SNRPD3: variants seen among roughly 807,000 people sequenced by gnomAD.
SNRPD3 encodes small nuclear ribonucleoprotein Sm D3.
For synonymous variants in SNRPD3, 66 were observed against 58.4 expected (o/e 1.13, Z -0.59); for missense variants, 73 against 167.5 (o/e 0.44, Z 3.11).
intron 2 of SNRPD3, among the ~76,000 whole-genome samples, chr22:24,563,490 A>G (rs964167293): frequency 2.0e-5 from 3 of 152,022 alleles, no homozygotes; most frequent in African/African-American, 7.2e-5. Context: ...GCTGCAGGAT[A>G]GGGCATCAGC....
chr22:24,557,125 G>T (rs2147115664), intron 1 of SNRPD3, among the ~76,000 whole-genome samples: 1 of 152,330 alleles, frequency 6.6e-6, no homozygotes, highest in South Asian at 2.1e-4. Context: ...CTTGGAATAT[G>T]GCCACTGGGA....
chr22:24,571,753 A>T (rs976665513), intron 3 of SNRPD3, among the ~76,000 whole-genome samples, 163 bp from the exon 4 acceptor site: 2 of 151,678 alleles, frequency 1.3e-5, no homozygotes, highest in Non-Finnish European at 2.9e-5. Flanking sequence ...CAAAAAATAA[A>T]AAAAAAAAAA....
At chr22:24,571,895 A>C (rs1219857784) in intron 3 of SNRPD3, 21 bp from the exon 4 acceptor site, 1 of 1,613,944 alleles carries the variant, frequency 6.2e-7, no homozygotes, top group Admixed American at 1.7e-5. Context: ...ACCTGGCCTC[A>C]TATTTTCTCT....
Position 24,572,126 on chromosome 22 carries a change from T to C in SNRPD3, c.*149T>C. 3 of 1,437,284 alleles carry C rather than the reference T, an allele frequency of 2.1e-6. No homozygotes were observed. The South Asian group carries it at 3.7e-5, about 18-fold the overall frequency. 89.0% of individuals were successfully genotyped at this position (1,437,284 alleles called of 1,614,324 possible). ...TTTAAGCTAAATAAATCTGGGGGGT[T>C]TTTTGTTCTGTTTTGTTTTGTTTTC... is the stretch of plus-strand genomic sequence containing the variant. On this transcript the variant is annotated 3_prime_UTR_variant, in exon 4 of 4. Transcript: ENST00000215829.
Position 24,563,202 on chromosome 22 carries a change from ATATATGTGTGTGTGTG to A in SNRPD3, c.127-4780_127-4765del, listed in dbSNP as rs142820497. On this transcript the variant is annotated intron_variant, in intron 2 of 3. Transcript: ENST00000215829. The stretch of plus-strand genomic sequence containing the variant: ...GGGCAACACAGTGAGACCCTGTCTC[ATATATGTGTGTGTGTG>A]TGTGTGTGTGTGTGTGTGTGTGTGT... Among the ~76,000 whole-genome samples, 75 of 138,876 alleles carry A rather than the reference ATATATGTGTGTGTGTG, an allele frequency of 5.4e-4. 1 individual carries two copies. The highest frequency in any genetic ancestry group is 7.2e-4 in the Non-Finnish European group (47 of 65,040). 91.1% of individuals were successfully genotyped at this position (138,876 alleles called of 152,430 possible).
Position 24,574,106 on chromosome 22 carries a change from T to A in SNRPD3, c.*2129T>A, listed in dbSNP as rs2045270101. ...TTTAGTATAATCATTACTGAATTCA[T>A]CATACTTTTACAGTAAACAGTACTT... On this transcript the variant is annotated 3_prime_UTR_variant, in exon 4 of 4. Transcript: ENST00000215829. 6.6e-6 allele frequency among the ~76,000 whole-genome samples: 1 copy of A among 152,222 alleles called. No individual in the cohort carries two copies. The highest frequency in any genetic ancestry group is 1.5e-5 in the Non-Finnish European group (1 of 68,038).
chr22:24,572,537 C>A lies in SNRPD3; in HGVS notation c.*560C>A. The A allele has an allele frequency of 5.4e-6, 1 of 184,690 alleles. No homozygotes were observed. The highest frequency in any genetic ancestry group is 1.1e-5 in the Non-Finnish European group (1 of 88,384). 11.4% of individuals were successfully genotyped at this position (184,690 alleles called of 1,614,324 possible). A position where few individuals can be genotyped will look rare whatever the true frequency, so the allele number is the denominator to read the frequency against. On this transcript the variant is annotated 3_prime_UTR_variant, in exon 4 of 4. Transcript: ENST00000215829. ...CAGCACTTTGGGAGGCCAAGGCGGG[C>A]GGATCACGAGGTCAGGAGTTCGAGA...
At chr22:24,555,664 C>T (rs770429268), upstream of SNRPD3, 42 of 1,550,536 alleles carry the variant, frequency 2.7e-5, no homozygotes, top group Non-Finnish European at 1.7e-5. Context: ...AGTCCTGGCC[C>T]TTGGCCCAAC....
chr22:24,556,036 C>A lies in SNRPD3; in HGVS notation c.-54C>A, dbSNP rs1018267725. The stretch of plus-strand genomic sequence containing the variant: ...CACGCCTTCGCCGTAGCATCTTTCG[C>A]AGCGGACCGAAGAGAAGAAAAGTAG... On this transcript the variant is annotated 5_prime_UTR_variant, in exon 1 of 4. Coordinates refer to ENST00000215829, the MANE Select transcript of SNRPD3 (RefSeq NM_004175.5). 1 of 625,366 alleles carries A rather than the reference C, an allele frequency of 1.6e-6. No individual in the cohort carries two copies. The highest frequency in any genetic ancestry group is 2.8e-6 in the Non-Finnish European group (1 of 359,448). 38.7% of individuals were successfully genotyped at this position (625,366 alleles called of 1,614,324 possible).
Position 24,571,903 on chromosome 22 carries a change from TCTTC to T in SNRPD3, c.320-11_320-8del. ...CACACTGACCTGGCCTCATATTTTC[TCTTC>T]CCTTTCAGTGGCCGCAAGAGGAAGA... is the stretch of plus-strand genomic sequence containing the variant. On this transcript the variant is annotated splice_polypyrimidine_tract_variant and intron_variant, in intron 3 of 3. Coordinates refer to ENST00000215829, the MANE Select transcript of SNRPD3 (RefSeq NM_004175.5). 1 of 1,614,136 alleles carries T rather than the reference TCTTC, an allele frequency of 6.2e-7. No individual in the cohort carries two copies. Among genetic ancestry groups the T allele is most frequent in the Non-Finnish European group, 8.5e-7 (1 of 1,179,974 alleles).
At chr22:24,566,983 T>C (rs1394783922) in intron 2 of SNRPD3, among the ~76,000 whole-genome samples, 2 of 152,210 alleles carry the variant, frequency 1.3e-5, no homozygotes, top group Admixed American at 6.5e-5. Flanking sequence ...CCAGTGTCAT[T>C]ATTCGACTGC....
At chr22:24,566,055 G>A (rs1271411630) in intron 2 of SNRPD3, among the ~76,000 whole-genome samples, 1 of 152,180 alleles carries the variant, frequency 6.6e-6, no homozygotes, top group African/African-American at 2.4e-5. Flanking sequence ...GGCACTAGAG[G>A]TTATGGTATT....
chr22:24,572,664 G>C lies in SNRPD3; in HGVS notation c.*687G>C, dbSNP rs1368125395. On this transcript the variant is annotated 3_prime_UTR_variant, in exon 4 of 4. Transcript: ENST00000215829. ...TAGTCCCAGCTACTCGGGAGGCTGA[G>C]GCAGAAGATTCGCTTGAACCCAGGA... 6.3e-6 allele frequency: 1 copy of C among 158,710 alleles called. No individual in the cohort carries two copies. The highest frequency in any genetic ancestry group is 6.2e-5 in the Admixed American group (1 of 16,250). 9.8% of individuals were successfully genotyped at this position (158,710 alleles called of 1,614,324 possible).
intron 2 of SNRPD3, 150 bp from the exon 3 acceptor site, chr22:24,567,834 A>C: frequency 1.6e-6 from 1 of 618,700 alleles, no homozygotes; most frequent in Non-Finnish European, 2.9e-6. Flanking sequence ...TCCCTGGTGT[A>C]CACAGTTAGT....
intron 2 of SNRPD3, 119 bp downstream of exon 2, chr22:24,557,919 C>T: frequency 1.0e-6 from 1 of 957,146 alleles, no homozygotes. Flanking sequence ...TTCCTAAGTG[C>T]CTAATGCATA....
At chr22:24,570,399 GA>G (rs1239526955) in intron 3 of SNRPD3, among the ~76,000 whole-genome samples, 1 of 152,186 alleles carries the variant, frequency 6.6e-6, no homozygotes, top group Non-Finnish European at 1.5e-5. Context: ...GTAATAGTGT[GA>G]GGGGCCGGGC....
Position 24,574,133 on chromosome 22 carries a change from C to T in SNRPD3, c.*2156C>T, listed in dbSNP as rs899162408. Among the ~76,000 whole-genome samples, 1 of 152,166 alleles carries T rather than the reference C, an allele frequency of 6.6e-6. No individual in the cohort carries two copies. Among genetic ancestry groups the T allele is most frequent in the African/African-American group, 2.4e-5 (1 of 41,432 alleles). Reference sequence around the variant, plus strand: ...ATACTTTTACAGTAAACAGTACTTACTTTGAATAATAACACATTACACTTA... The same window carrying T: ...ATACTTTTACAGTAAACAGTACTTATTTTGAATAATAACACATTACACTTA... On this transcript the variant is annotated 3_prime_UTR_variant, in exon 4 of 4. Transcript: ENST00000215829.
rs888483330 is a variant in SNRPD3, at chr22:24,571,019, A to G, written c.320-897A>G. On this transcript the variant is annotated intron_variant, in intron 3 of 3. Coordinates refer to ENST00000215829, the MANE Select transcript of SNRPD3 (RefSeq NM_004175.5). ...TGTTCAGTAGAGAAGGGGTTTTGCC[A>G]TGTTGGCCAGTCTGGTCTCAAACTT... 1.3e-5 allele frequency among the ~76,000 whole-genome samples: 2 copies of G among 152,012 alleles called. 1 individual carries two copies. The highest frequency in any genetic ancestry group is 6.3e-3 in the Middle Eastern group (2 of 316).
At position 24,556,023 on chromosome 22, in the gene SNRPD3, G is replaced by A; in HGVS notation, c.-67G>A. Reference sequence around the variant, plus strand: ...CATTCGCTTGACTCACGCCTTCGCCGTAGCATCTTTCGCAGCGGACCGAAG... The same window carrying A: ...CATTCGCTTGACTCACGCCTTCGCCATAGCATCTTTCGCAGCGGACCGAAG... On this transcript the variant is annotated 5_prime_UTR_variant, in exon 1 of 4. Coordinates refer to ENST00000215829, the MANE Select transcript of SNRPD3 (RefSeq NM_004175.5). 1 of 630,910 alleles carries A rather than the reference G, an allele frequency of 1.6e-6. No individual in the cohort carries two copies. The highest frequency in any genetic ancestry group is 2.7e-6 in the Non-Finnish European group (1 of 363,844). The allele number at this position is 630,910 out of a possible 1,614,324, so 39.1% of individuals were successfully genotyped here.
Sources: allele counts gnomAD v4.1 joint callset (sites outside exome capture counted in the v4.1 genomes callset), GRCh38; gene constraint gnomAD v4.1.1; transcripts MANE v1.5; gene names NCBI Gene and HGNC (gene_info 2026-07-23, HGNC 2026-07-21).